ANHX: variants seen among roughly 807,000 people sequenced by gnomAD.
ANHX encodes the protein anomalous homeobox.
Under a neutral mutation model 38.9 loss-of-function variants are expected in ANHX, and 20 were observed. That is an observed-to-expected ratio of 0.51 (90% confidence interval 0.36 to 0.75). ANHX has a LOEUF of 0.75. Ranked by LOEUF, ANHX falls within the 30% of genes least tolerant of loss-of-function variation. The pLI is 0.00. For missense variants in ANHX, 475 were observed against 493.1 expected (o/e 0.96, Z 0.35); for synonymous variants, 185 against 203.1 (o/e 0.91, Z 0.76).
At chr12:133,222,320 A>T in intron 7 of ANHX, among the ~76,000 whole-genome samples, 1 of 152,310 alleles carries the variant, frequency 6.6e-6, no homozygotes, top group Admixed American at 6.5e-5. Flanking sequence ...AGTGCAGCCC[A>T]TGGTGATGGG....
intron 7 of ANHX, among the ~76,000 whole-genome samples, chr12:133,223,498 T>C (rs573514430): frequency 6.8e-5 from 10 of 147,524 alleles, no homozygotes; most frequent in African/African-American, 2.0e-4. Flanking sequence ...CAGGCTGGAG[T>C]GCAGTAGCGC....
At chr12:133,222,355 G>A (rs2135551202) in intron 7 of ANHX, among the ~76,000 whole-genome samples, 1 of 152,282 alleles carries the variant, frequency 6.6e-6, no homozygotes, top group African/African-American at 2.4e-5. Context: ...GCTGGGGTGT[G>A]GGGCAGGGGC....
At chr12:133,226,006 C>A (rs563957182) in intron 6 of ANHX, among the ~76,000 whole-genome samples, 178 bp from the exon 7 acceptor site, 1 of 152,288 alleles carries the variant, frequency 6.6e-6, no homozygotes, top group East Asian at 1.9e-4. Flanking sequence ...ACCACAGGGA[C>A]AGCTGGGTTT....
Position 133,227,006 on chromosome 12 carries a change from A to G in ANHX, c.648T>C (p.Gly216=), listed in dbSNP as rs2135562894. 1 of 1,535,290 alleles carries G rather than the reference A, an allele frequency of 6.5e-7. No individual in the cohort carries two copies. The highest frequency in any genetic ancestry group is 1.2e-5 in the South Asian group (1 of 84,004). Residue 216 remains glycine (G), a synonymous_variant, in exon 5 of 10, where the codon GGT becomes GGC. Coordinates refer to ENST00000545940, the MANE Select transcript of ANHX (RefSeq NM_001372060.1). ...TGCCTGAGGGCTGCAGGAGGTCAGG[A>G]CCCCTCTCCCTCGCACCAGGGTCTT... ...TAEDPGARER[G]PDLLQPSGNP...
rs939394187 is a variant in ANHX, at chr12:133,221,318, G to T, written c.1167C>A (p.Ser389Arg). The change falls in exon 8 of 10, where the codon AGC becomes AGA. Residue 389 changes from serine (S) to arginine (R), a missense_variant. Transcript: ENST00000545940. The surrounding 1 kb of genome is among the most constrained non-coding windows in gnomAD (Gnocchi z 4.1). ...FSGPPSGHPQ[S>R]VQLEEGLGTS... ...TGCCCAGACCCTCCTCCAATTGCAC[G>T]CTCTGGGGATGGCCGCTGGGGGGGC... 2.6e-6 allele frequency: 4 copies of T among 1,535,878 alleles called. No homozygotes were observed. The East Asian group carries it at 9.8e-5, about 38-fold the overall frequency.
intron 9 of ANHX, 135 bp downstream of exon 9, chr12:133,219,148 A>G: frequency 9.7e-7 from 1 of 1,030,314 alleles, no homozygotes; most frequent in East Asian, 2.6e-5. Flanking sequence ...GTCCAGCCAC[A>G]AATCATCTTT....
In ANHX at chr12:133,221,135, A is replaced by G. The variant is rs1271434294; in HGVS notation, c.1280+70T>C. On this transcript the variant is annotated intron_variant, in intron 8 of 9. Transcript: ENST00000545940. This position sits in a 1 kb window ranked among gnomAD's most constrained non-coding sequence, Gnocchi z 4.1. ...GCACAGTCCGGGACGGTGAGTCTAT[A>G]AACTGGGCATTACCCTATCTTGTGG... is the stretch of plus-strand genomic sequence containing the variant. 6.6e-6 allele frequency: 10 copies of G among 1,508,702 alleles called. No homozygotes were observed. The East Asian group carries it at 2.5e-4, about 37-fold the overall frequency. 93.5% of individuals were successfully genotyped at this position (1,508,702 alleles called of 1,614,324 possible). A position where few individuals can be genotyped will look rare whatever the true frequency, so the allele number is the denominator to read the frequency against.
chr12:133,234,473 G>A lies in ANHX; in HGVS notation c.-22-95C>T, dbSNP rs916318072. 2.4e-5 allele frequency: 34 copies of A among 1,394,502 alleles called. No homozygotes were observed. In the East Asian group the frequency reaches 4.5e-4, roughly 19 times the overall value. 86.4% of individuals were successfully genotyped at this position (1,394,502 alleles called of 1,614,324 possible). A position where few individuals can be genotyped will look rare whatever the true frequency, so the allele number is the denominator to read the frequency against. ...CCACTCTGCAAAGCAGGTGATGCAC[G>A]GCTCTTGTGCCGTGGACACTTGTAG... On this transcript the variant is annotated intron_variant, in intron 1 of 9. Transcript: ENST00000545940.
At chr12:133,231,369 C>G in intron 3 of ANHX, 148 bp downstream of exon 3, 1 of 1,155,460 alleles carries the variant, frequency 8.7e-7, no homozygotes, top group Non-Finnish European at 1.2e-6. Flanking sequence ...CTTATGCTGA[C>G]TACACTGTGA....
Position 133,234,171 on chromosome 12 carries a change from G to A in ANHX, c.186C>T (p.Ala62=). The A allele has an allele frequency of 6.5e-7, 1 of 1,536,144 alleles. No individual in the cohort carries two copies. The highest frequency in any genetic ancestry group is 8.7e-7 in the Non-Finnish European group (1 of 1,146,900). ...RLHLLDNADV[A]LACARVLDQQ... ...GGTCCAGGACACGGGCGCACGCCAGGGCCACATCTGCGTTGTCCAGGAGAT... is the reference window on the plus strand; with the variant it reads ...GGTCCAGGACACGGGCGCACGCCAGAGCCACATCTGCGTTGTCCAGGAGAT... The change falls in exon 2 of 10, where the codon GCC becomes GCT. Residue 62 remains alanine, a synonymous_variant. Coordinates refer to ENST00000545940, the MANE Select transcript of ANHX (RefSeq NM_001372060.1).
intron 4 of ANHX, 108 bp from the exon 5 acceptor site, chr12:133,227,260 C>T (rs1566407358): frequency 1.7e-6 from 2 of 1,192,764 alleles, no homozygotes; most frequent in Non-Finnish European, 2.3e-6. Context: ...GGGTGACAGC[C>T]CAGCCTAACC....
intron 3 of ANHX, 54 bp downstream of exon 3, chr12:133,231,463 T>A: frequency 6.5e-7 from 1 of 1,533,790 alleles, no homozygotes; most frequent in East Asian, 2.4e-5. Context: ...GCATGGTACA[T>A]CTAATCCCTT....
chr12:133,225,489 C>CA (rs1299302704), intron 7 of ANHX, among the ~76,000 whole-genome samples, 47 bp downstream of exon 7: 1 of 152,232 alleles, frequency 6.6e-6, no homozygotes, highest in Non-Finnish European at 1.5e-5. Flanking sequence ...CCTGAGTAGT[C>CA]ACAGTGTCTG....
Position 133,231,530 on chromosome 12 carries a change from G to T in ANHX, c.364C>A (p.Arg122Ser), listed in dbSNP as rs1437001816. 6.5e-7 allele frequency: 1 copy of T among 1,536,108 alleles called. No individual in the cohort carries two copies. The highest frequency in any genetic ancestry group is 1.2e-5 in the South Asian group (1 of 84,060). Residue 122 changes from arginine (R) to serine (S), a missense_variant, in exon 3 of 10, where the codon CGC becomes AGC. Arg to Ser is a moderately radical substitution (Grantham distance 110). Coordinates refer to ENST00000545940, the MANE Select transcript of ANHX (RefSeq NM_001372060.1). Reference sequence around the variant, plus strand: ...CTTGTAGGTTACCTCTTCCTGCAGCGGAACTTCTGCACCGGGGTGAGCGCA... The same window carrying T: ...CTTGTAGGTTACCTCTTCCTGCAGCTGAACTTCTGCACCGGGGTGAGCGCA... ...VAALTPVQKF[R>S]CRKRNPPPPS... is the part of the protein sequence containing the mutation.
chr12:133,233,469 T>C (rs1957314787), intron 2 of ANHX, among the ~76,000 whole-genome samples: 1 of 152,178 alleles, frequency 6.6e-6, no homozygotes, highest in Non-Finnish European at 1.5e-5. Flanking sequence ...CCACGTTTTC[T>C]GTGATTCAGA....
chr12:133,226,282 G>T, intron 6 of ANHX, 36 bp downstream of exon 6: 3 of 1,536,198 alleles, frequency 2.0e-6, no homozygotes, highest in Non-Finnish European at 2.6e-6. Flanking sequence ...GAACTGAATA[G>T]GTGAGATGAT....
intron 7 of ANHX, among the ~76,000 whole-genome samples, chr12:133,224,607 G>A (rs1488681658): frequency 6.9e-6 from 1 of 144,100 alleles, no homozygotes; most frequent in Non-Finnish European, 1.5e-5. Context: ...AGGTTGCAGT[G>A]AGCCGAGATC....
intron 7 of ANHX, among the ~76,000 whole-genome samples, chr12:133,222,912 C>T (rs1957130794): frequency 1.3e-5 from 2 of 152,240 alleles, no homozygotes; most frequent in African/African-American, 2.4e-5. Context: ...AGCAGTTGGC[C>T]GGGCGCAGTG....
At chr12:133,226,810 A>T (rs1458465508) in intron 5 of ANHX, 126 bp downstream of exon 5, 3 of 957,802 alleles carry the variant, frequency 3.1e-6, no homozygotes, top group African/African-American at 1.7e-5. Flanking sequence ...GCTCCCACAG[A>T]GTGACACCTG....
Sources: allele counts gnomAD v4.1 joint callset (sites outside exome capture counted in the v4.1 genomes callset), GRCh38; gene constraint gnomAD v4.1.1; non-coding constraint Gnocchi (gnomAD v3.1); transcripts MANE v1.5; gene names NCBI Gene and HGNC (gene_info 2026-07-23, HGNC 2026-07-21).